DYNLT3: variants seen among roughly 807,000 people sequenced by gnomAD.
DYNLT3 encodes protein 91/23.
DYNLT3 carries 4 observed loss-of-function variants against 11.0 expected under a neutral mutation model. That is an observed-to-expected ratio of 0.36 (90% CI 0.18 to 0.83). DYNLT3 has a LOEUF of 0.83. DYNLT3 is among the 40% of genes least tolerant of loss of function. The pLI is 0.47. For synonymous variants in DYNLT3, 37 were observed against 31.2 expected (o/e 1.18, Z -0.61); for missense variants, 91 against 91.1 (o/e 1.00, Z 0.01).
At chrX:37,841,200 C>A in intron 3 of DYNLT3, 95 bp from the exon 4 acceptor site, 1 of 689,687 alleles carries the variant, frequency 1.4e-6, no homozygotes, top group Non-Finnish European at 2.1e-6. Context: ...AAGCCGAAAA[C>A]AAGACAAAAA....
At chrX:37,841,128 A>T (rs1320116023) in intron 3 of DYNLT3, 23 bp from the exon 4 acceptor site, 1 of 1,187,853 alleles carries the variant, frequency 8.4e-7, no homozygotes, top group East Asian at 3.0e-5. Context: ...TCACAGAATG[A>T]GGGCACTTAC....
intron 4 of DYNLT3, among the ~76,000 whole-genome samples, 162 bp from the exon 5 acceptor site, chrX:37,840,813 T>A (rs1206029373): frequency 7.7e-5 from 8 of 103,818 alleles, no homozygotes. Flanking sequence ...TATATACACA[T>A]ACATTTTTCA....
intron 2 of DYNLT3, among the ~76,000 whole-genome samples, chrX:37,843,485 T>C (rs1264739656): frequency 8.9e-6 from 1 of 111,850 alleles, no homozygotes; most frequent in Admixed American, 9.5e-5. Flanking sequence ...GACAATGAGG[T>C]CCTTAAACAG....
chrX:37,846,754 A>G (rs780913253), intron 1 of DYNLT3, among the ~76,000 whole-genome samples: 1 of 112,238 alleles, frequency 8.9e-6, no homozygotes, highest in African/African-American at 3.2e-5. Context: ...GAGAATGCTT[A>G]GTAGACTATT....
Position 37,840,762 on chromosome X carries a change from ACACACACACACAC to A in DYNLT3, c.275-124_275-112del, listed in dbSNP as rs1569481826. 1.3e-4 allele frequency: 42 copies of A among 315,333 alleles called. 1 individual carries two copies. The highest frequency in any genetic ancestry group is 1.9e-3 in the Middle Eastern group (2 of 1,050). The allele number at this position is 315,333 out of a possible 1,213,427, so 26.0% of individuals were successfully genotyped here. A position where few individuals can be genotyped will look rare whatever the true frequency, so the allele number is the denominator to read the frequency against. ...CACACACACACATATACACACACAC[ACACACACACACAC>A]ACACACACACACACATATATATATA... On this transcript the variant is annotated intron_variant, in intron 4 of 4. Transcript: ENST00000378578.
At chrX:37,841,998 A>G in intron 2 of DYNLT3, 93 bp from the exon 3 acceptor site, 1 of 846,179 alleles carries the variant, frequency 1.2e-6, no homozygotes, top group Non-Finnish European at 1.6e-6. Flanking sequence ...TATTCAAAAC[A>G]TAAAATATAC....
At chrX:37,844,250 A>G (rs1415616237) in intron 2 of DYNLT3, among the ~76,000 whole-genome samples, 1 of 112,209 alleles carries the variant, frequency 8.9e-6, no homozygotes, top group Non-Finnish European at 1.9e-5. Flanking sequence ...AATTTGATAT[A>G]ATATTAAAGT....
At chrX:37,846,756 T>C (rs1930273641) in intron 1 of DYNLT3, among the ~76,000 whole-genome samples, 1 of 112,081 alleles carries the variant, frequency 8.9e-6, no homozygotes, top group South Asian at 3.7e-4. Flanking sequence ...GAATGCTTAG[T>C]AGACTATTTT....
At chrX:37,841,997 CATAAA>C in intron 2 of DYNLT3, 92 bp from the exon 3 acceptor site, 3 of 845,056 alleles carry the variant, frequency 3.6e-6, no homozygotes, top group South Asian at 8.5e-5. Flanking sequence ...TTATTCAAAA[CATAAA>C]ATATACTTAT....
chrX:37,840,328 C>T lies in DYNLT3; in HGVS notation c.*247G>A, dbSNP rs754272310. ...TATAAGATTGTATTTTCATGTCATG[C>T]CATATTTCTAAATTTATTTTTTGCT... On this transcript the variant is annotated 3_prime_UTR_variant, in exon 5 of 5. Transcript: ENST00000378578. 2.5e-4 allele frequency: 51 copies of T among 205,371 alleles called. No homozygotes were observed. The highest frequency in any genetic ancestry group is 1.5e-3 in the African/African-American group (50 of 33,781). 16.9% of individuals were successfully genotyped at this position (205,371 alleles called of 1,213,427 possible).
rs1346708483 is a variant in DYNLT3 at position 37,839,414 on chromosome X, G to A, written c.*1161C>T. 1 of 112,082 alleles carries A rather than the reference G, an allele frequency of 8.9e-6. No homozygotes were observed. The highest frequency in any genetic ancestry group is 9.5e-5 in the Admixed American group (1 of 10,501). The allele number at this position is 112,082 out of a possible 1,213,427, so 9.2% of individuals were successfully genotyped here. A position where few individuals can be genotyped will look rare whatever the true frequency, so the allele number is the denominator to read the frequency against. ...GCCCTGAGATAACGTGCTAAGGATT[G>A]TATACTTTTAATCTATACTTTATTC... is the stretch of plus-strand genomic sequence containing the variant. On this transcript the variant is annotated 3_prime_UTR_variant, in exon 5 of 5. Coordinates refer to ENST00000378578, the MANE Select transcript of DYNLT3 (RefSeq NM_006520.3).
intron 2 of DYNLT3, among the ~76,000 whole-genome samples, chrX:37,843,570 G>T (rs1369681090): frequency 8.9e-6 from 1 of 111,858 alleles, no homozygotes; most frequent in East Asian, 2.8e-4. Flanking sequence ...AAGCAATATT[G>T]GTTTTGATAT....
rs890260524 is a variant in DYNLT3 at position 37,839,880 on chromosome X, C to CTGTT, written c.*691_*694dup. Reference sequence around the variant, plus strand: ...ATGGAATGAGTGAATTGTAAGGCAGCTGTTTGAGTCATACACTGTTCATCA... The same window carrying CTGTT: ...ATGGAATGAGTGAATTGTAAGGCAGCTGTTTGTTTGAGTCATACACTGTTCATCA... On this transcript the variant is annotated 3_prime_UTR_variant, in exon 5 of 5. Coordinates refer to ENST00000378578, the MANE Select transcript of DYNLT3 (RefSeq NM_006520.3). 1.8e-5 allele frequency: 2 copies of CTGTT among 111,999 alleles called. No individual in the cohort carries two copies. The highest frequency in any genetic ancestry group is 6.5e-5 in the African/African-American group (2 of 30,724). 9.2% of individuals were successfully genotyped at this position (111,999 alleles called of 1,213,427 possible).
intron 4 of DYNLT3, 72 bp from the exon 5 acceptor site, chrX:37,840,723 TAC>T (rs750332268): frequency 0.053 from 19,317 of 362,905 alleles, 25 homozygotes; most frequent in Middle Eastern, 0.067. Flanking sequence ...TATATATATA[TAC>T]ACACACACAC....
At chrX:37,841,525 C>G (rs1569481908) in intron 3 of DYNLT3, among the ~76,000 whole-genome samples, 1 of 111,171 alleles carries the variant, frequency 9.0e-6, no homozygotes, top group Non-Finnish European at 1.9e-5. Context: ...GGGGGGGTCT[C>G]AGTGGAAAGA....
At chrX:37,842,801 G>C (rs1930197976) in intron 2 of DYNLT3, among the ~76,000 whole-genome samples, 1 of 111,965 alleles carries the variant, frequency 8.9e-6, no homozygotes, top group African/African-American at 3.2e-5. Flanking sequence ...CACAGAGTTA[G>C]CATATAAATA....
In DYNLT3 at chrX:37,839,148, C is replaced by A. The variant is rs1355612865; in HGVS notation, c.*1427G>T. The A allele has an allele frequency of 1.8e-5, 2 of 111,773 alleles. No homozygotes were observed. Among genetic ancestry groups the A allele is most frequent in the East Asian group, 5.6e-4 (2 of 3,603 alleles). 9.2% of individuals were successfully genotyped at this position (111,773 alleles called of 1,213,427 possible). ...TATTGTTATTTGGCAAAATATCAAACATGCACATAGTATTCCTACAAGAAT... is the reference window on the plus strand; with the variant it reads ...TATTGTTATTTGGCAAAATATCAAAAATGCACATAGTATTCCTACAAGAAT... On this transcript the variant is annotated 3_prime_UTR_variant, in exon 5 of 5. Transcript: ENST00000378578.
intron 1 of DYNLT3, chrX:37,847,276 C>A: frequency 1.1e-6 from 1 of 875,936 alleles, no homozygotes; most frequent in Non-Finnish European, 1.5e-6. Context: ...CTCCTGGCCA[C>A]CCCTCCCACC....
intron 3 of DYNLT3, 107 bp from the exon 4 acceptor site, chrX:37,841,212 C>A (rs1930150253): frequency 1.8e-6 from 1 of 547,549 alleles, no homozygotes; most frequent in South Asian, 5.1e-5. Context: ...AGACAAAAAA[C>A]AAACAAACAA....
Sources: gnomAD v4.1 joint callset for allele counts (sites outside exome capture counted in the v4.1 genomes callset) on GRCh38, gnomAD v4.1.1 for gene constraint, MANE v1.5 for transcripts, NCBI Gene and HGNC (gene_info 2026-07-23, HGNC 2026-07-21) for gene names.